The following PIK3R3 variants were observed in gnomAD, a reference collection of about 807,000 sequenced individuals.
PIK3R3 encodes the protein phosphoinositide-3-kinase regulatory subunit 3.
PIK3R3 carries 64 observed loss-of-function variants against 62.9 expected under a neutral mutation model. The observed-to-expected ratio is 1.02, with a 90% CI of 0.83 to 1.25. The LOEUF (loss-of-function observed/expected upper bound fraction) is 1.25. Among genes scored for constraint, PIK3R3 ranks in the 50% most tolerant of loss-of-function variants. The pLI is 0.00. For missense variants in PIK3R3, 614 were observed against 561.6 expected, an observed-to-expected ratio of 1.09 and a Z score of -0.94; for synonymous variants, 165 against 189.0, an observed-to-expected ratio of 0.87 and a Z score of 1.04.
intron 6 of PIK3R3, among the ~76,000 whole-genome samples, chr1:46,057,976 C>T (rs1486217116): frequency 2.0e-5 from 3 of 152,188 alleles, no homozygotes; most frequent in African/African-American, 7.2e-5. Flanking sequence ...GTCTTCAAGG[C>T]AGCCCCTCCC....
At chr1:46,124,796 C>CAAA (rs55985922) in intron 1 of PIK3R3, among the ~76,000 whole-genome samples, 1 of 108,366 alleles carries the variant, frequency 9.2e-6, no homozygotes, top group African/African-American at 3.6e-5. Context: ...AACTCTTTTT[C>CAAA]AAAAAAAAAA....
chr1:46,159,121 A>AAATAAATT, the PIK3R3 span, among the ~76,000 whole-genome samples: 1 of 148,056 alleles, frequency 6.8e-6, no homozygotes. Context: ...ATAAATAAAT[A>AAATAAATT]AAATAAAATG....
In PIK3R3 at chr1:46,132,551, G is replaced by C. The variant is rs1364971883; in HGVS notation, c.-599C>G. The C allele has an allele frequency of 7.8e-7, 1 of 1,275,042 alleles. No homozygotes were observed. The allele number at this position is 1,275,042 out of a possible 1,614,324, so 79.0% of individuals were successfully genotyped here. A position where few individuals can be genotyped will look rare whatever the true frequency, so the allele number is the denominator to read the frequency against. On this transcript the variant is annotated 5_prime_UTR_variant, in exon 1 of 10. Transcript: ENST00000262741. ...GAATGGGGCCGGCCGGAGAAGTCCAGTCAGCTCGGCTTGTCTGGGCGCTCC... is the reference window on the plus strand; with the variant it reads ...GAATGGGGCCGGCCGGAGAAGTCCACTCAGCTCGGCTTGTCTGGGCGCTCC...
the PIK3R3 span, among the ~76,000 whole-genome samples, chr1:46,141,102 G>A: frequency 1.3e-5 from 2 of 151,348 alleles, no homozygotes; most frequent in South Asian, 2.1e-4. Context: ...TCAAGGGGTC[G>A]TCCCACCTTG....
chr1:46,124,841 T>TA (rs1654960424), intron 1 of PIK3R3, among the ~76,000 whole-genome samples: 1 of 149,606 alleles, frequency 6.7e-6, no homozygotes, highest in Non-Finnish European at 1.5e-5. Flanking sequence ...CTCACACCTG[T>TA]AATCCTAGCA....
intron 1 of PIK3R3, among the ~76,000 whole-genome samples, chr1:46,087,200 G>A (rs1316393217): frequency 6.6e-6 from 1 of 151,984 alleles, no homozygotes; most frequent in East Asian, 1.9e-4. Context: ...CACCAACATG[G>A]CACATGTATA....
intron 3 of PIK3R3, 95 bp downstream of exon 3, chr1:46,077,420 T>C (rs1055999299): frequency 1.9e-5 from 10 of 531,742 alleles, no homozygotes; most frequent in Admixed American, 3.2e-5. Context: ...ATATGAAAAA[T>C]TGTATAGATA....
intron 3 of PIK3R3, among the ~76,000 whole-genome samples, chr1:46,067,474 G>GA (rs1231216128): frequency 6.6e-6 from 1 of 151,486 alleles, no homozygotes; most frequent in Non-Finnish European, 1.5e-5. Context: ...AGGAAGAACA[G>GA]AAAAAATCTC....
rs1648542661 is a variant in PIK3R3, at chr1:46,062,014, C to CA, written c.678dup (p.Glu227Ter). On this transcript the variant is annotated frameshift_variant, in exon 6 of 10. Transcript: ENST00000262741. LOFTEE classifies it high-confidence loss of function. ...TGTTCTTGTGTGTGACACTGCTCTT[C>CA]AAATATTTTAATTGTTTCATTAAAA... The CA allele has an allele frequency of 1.9e-6, 3 of 1,611,732 alleles. No homozygotes were observed. In the Admixed American group the frequency reaches 5.0e-5, roughly 27 times the overall value.
At chr1:46,135,142 GGTT>G (rs1216260175), upstream of PIK3R3, among the ~76,000 whole-genome samples, 1 of 152,164 alleles carries the variant, frequency 6.6e-6, no homozygotes, top group Non-Finnish European at 1.5e-5. Context: ...ATAGAAGTGA[GGTT>G]GTGATTGCTT....
At chr1:46,135,284 T>C (rs1231458189), upstream of PIK3R3, among the ~76,000 whole-genome samples, 1 of 152,228 alleles carries the variant, frequency 6.6e-6, no homozygotes, top group African/African-American at 2.4e-5. Flanking sequence ...GCACTCAAGC[T>C]CCTGGGTCAC....
chr1:46,139,896 G>A, the PIK3R3 span, among the ~76,000 whole-genome samples: 1 of 152,132 alleles, frequency 6.6e-6, no homozygotes, highest in Non-Finnish European at 1.5e-5. Flanking sequence ...TGACATAGGG[G>A]CATGTGGTTG....
rs1396884958 is a variant in PIK3R3 at position 46,042,930 on chromosome 1, A to G, written c.*743T>C. Reference sequence around the variant, plus strand: ...AAAACTCACAAATTCTAGTCTTTTTATGTTCAAGTTTTGGTACAGAAGTAT... The same window carrying G: ...AAAACTCACAAATTCTAGTCTTTTTGTGTTCAAGTTTTGGTACAGAAGTAT... On this transcript the variant is annotated 3_prime_UTR_variant, in exon 10 of 10. Coordinates refer to ENST00000262741, the MANE Select transcript of PIK3R3 (RefSeq NM_003629.4). This position sits in a 1 kb window ranked among gnomAD's most constrained non-coding sequence, Gnocchi z 4.3. 1 of 207,798 alleles carries G rather than the reference A, an allele frequency of 4.8e-6. No individual in the cohort carries two copies. Among genetic ancestry groups the G allele is most frequent in the Non-Finnish European group, 9.8e-6 (1 of 101,654 alleles). 12.9% of individuals were successfully genotyped at this position (207,798 alleles called of 1,614,324 possible). A position where few individuals can be genotyped will look rare whatever the true frequency, so the allele number is the denominator to read the frequency against.
chr1:46,160,446 A>G, the PIK3R3 span, among the ~76,000 whole-genome samples: 2 of 152,238 alleles, frequency 1.3e-5, no homozygotes, highest in Non-Finnish European at 2.9e-5. Flanking sequence ...CATATAATAG[A>G]AACCTAGCTC....
upstream of PIK3R3, among the ~76,000 whole-genome samples, chr1:46,133,595 G>A (rs920259114): frequency 4.6e-5 from 7 of 152,178 alleles, no homozygotes; most frequent in African/African-American, 1.7e-4. Context: ...TTACCACTCA[G>A]GGAGAGGATG....
intron 3 of PIK3R3, among the ~76,000 whole-genome samples, chr1:46,071,730 T>TAGAGAGAGAGAGAGAGAGAGAG (rs140765040): frequency 1.9e-4 from 11 of 59,062 alleles, no homozygotes; most frequent in African/African-American, 8.7e-4. Context: ...TATATATATA[T>TAGAGAGAGAGAGAGAGAGAGAG]AGAGAGAGAG....
intron 1 of PIK3R3, among the ~76,000 whole-genome samples, chr1:46,130,364 G>GA (rs1019665490): frequency 6.6e-6 from 1 of 152,070 alleles, no homozygotes; most frequent in Non-Finnish European, 1.5e-5. Context: ...AACAAAGGGG[G>GA]AAAGACACAA....
Position 46,077,594 on chromosome 1 carries a change from A to G in PIK3R3, c.235T>C (p.Leu79=). Residue 79 remains leucine (L), a synonymous_variant, in exon 3 of 10, where the codon TTG becomes CTG. Coordinates refer to ENST00000262741, the MANE Select transcript of PIK3R3 (RefSeq NM_003629.4). ...DISREEVNDK[L]RDMPDGTFLV... ...AAGGTCCCATCTGGCATATCCCGCA[A>G]TTTGTCATTTACCTCCTCCCTGAAG... 6.2e-7 allele frequency: 1 copy of G among 1,607,814 alleles called. No individual in the cohort carries two copies. The highest frequency in any genetic ancestry group is 1.3e-5 in the African/African-American group (1 of 74,886).
chr1:46,130,278 A>G (rs552268572), intron 1 of PIK3R3, among the ~76,000 whole-genome samples: 4 of 152,202 alleles, frequency 2.6e-5, no homozygotes, highest in South Asian at 2.1e-4. Context: ...TTTTTACAAT[A>G]AAAGTACCAG....
Sources: allele counts gnomAD v4.1 joint callset (sites outside exome capture counted in the v4.1 genomes callset), GRCh38; gene constraint gnomAD v4.1.1; non-coding constraint Gnocchi (gnomAD v3.1); transcripts MANE v1.5; gene names NCBI Gene and HGNC (gene_info 2026-07-23, HGNC 2026-07-21).